Variants in PXDN observed in about 807,000 individuals in gnomAD.
The protein encoded by PXDN is peroxidasin homolog.
A neutral mutation model predicts 140.3 loss-of-function variants in PXDN; 77 were observed. The ratio of observed to expected loss-of-function variants is 0.55; its 90% CI spans 0.46 to 0.66. The LOEUF is 0.66. Among genes scored for constraint, PXDN ranks in the 30% least tolerant of loss-of-function variants. The pLI is 0.00. For synonymous variants in PXDN, 911 were observed against 857.4 expected (o/e 1.06, Z -1.09); for missense variants, 1,838 against 2,039.5 (o/e 0.90, Z 1.90).
chr2:1,678,739 A>AT (rs1295401574), intron 7 of PXDN, among the ~76,000 whole-genome samples: 1 of 152,162 alleles, frequency 6.6e-6, no homozygotes, highest in African/African-American at 2.4e-5. Flanking sequence ...CCCTTCAGGG[A>AT]CGCAGGTGGG....
At chr2:1,658,029 T>TCG (rs1683192961) in intron 14 of PXDN, among the ~76,000 whole-genome samples, 2 of 1,130 alleles carry the variant, frequency 1.8e-3, no homozygotes, top group Non-Finnish European at 5.2e-3. Context: ...AGCTGTGGGC[T>TCG]CTCTCTCTCT....
intron 1 of PXDN, among the ~76,000 whole-genome samples, chr2:1,708,849 G>A (rs1028687779): frequency 6.6e-6 from 1 of 152,100 alleles, no homozygotes; most frequent in Non-Finnish European, 1.5e-5. Flanking sequence ...TGCCCGGCTG[G>A]GTTTGTTAAG....
intron 17 of PXDN, 34 bp from the exon 18 acceptor site, chr2:1,644,786 A>G: frequency 7.0e-7 from 1 of 1,420,844 alleles, no homozygotes; most frequent in Non-Finnish European, 9.3e-7. Flanking sequence ...AATCTACCTA[A>G]CAAAGCTGCA....
chr2:1,664,016 C>G, intron 11 of PXDN: 1 of 475,942 alleles, frequency 2.1e-6, no homozygotes, highest in Non-Finnish European at 3.8e-6. Flanking sequence ...ACACAGGGGG[C>G]CAGGAGGACA....
chr2:1,728,984 G>A (rs1211766527), intron 1 of PXDN, among the ~76,000 whole-genome samples: 10 of 152,114 alleles, frequency 6.6e-5, no homozygotes, highest in Non-Finnish European at 1.3e-4. Flanking sequence ...CCGGGGAACA[G>A]CAGGCAGGGC....
intron 9 of PXDN, among the ~76,000 whole-genome samples, chr2:1,670,215 T>C (rs1683541290): frequency 6.6e-6 from 1 of 152,184 alleles, no homozygotes; most frequent in Non-Finnish European, 1.5e-5. Flanking sequence ...GCTAAAGATT[T>C]GGAAAAAAAT....
intron 14 of PXDN, among the ~76,000 whole-genome samples, chr2:1,655,019 C>A (rs1482662924): frequency 2.6e-5 from 4 of 152,002 alleles, no homozygotes; most frequent in African/African-American, 4.8e-5. Context: ...AAACTCCCTC[C>A]TCACACACAC....
At position 1,649,561 on chromosome 2, in the gene PXDN, T is replaced by C. The variant is rs200291049; in HGVS notation, c.2219A>G (p.Lys740Arg). The stretch of plus-strand genomic sequence containing the variant: ...ACAGGTGCCGTCGTGCGTCCGGTAC[T>C]TCTGGTGGAAGCACATGTCCGAGCA... Reference protein sequence around the residue: ...NNCSDMCFHQKYRTHDGTCNN... With the variant: ...NNCSDMCFHQRYRTHDGTCNN... Residue 740 changes from lysine (K) to arginine (R), a missense_variant, in exon 17 of 23, where the codon AAG becomes AGG. By Grantham distance (26) the Lys-to-Arg change is conservative. Transcript: ENST00000252804. This position sits in a 1 kb window ranked among gnomAD's most constrained non-coding sequence, Gnocchi z 7.1. 5.8e-5 allele frequency: 94 copies of C among 1,614,038 alleles called. No homozygotes were observed. In the African/African-American group the frequency reaches 1.1e-3, roughly 19 times the overall value.
chr2:1,691,856 G>T, intron 3 of PXDN, 72 bp downstream of exon 3: 1 of 985,168 alleles, frequency 1.0e-6, no homozygotes, highest in Non-Finnish European at 1.5e-6. Flanking sequence ...TAAGCAGCAC[G>T]AAATTTAGCT....
Position 1,683,636 on chromosome 2 carries a change from A to G in PXDN, c.560+20T>C. ...AAGAAGGCTTTGCAGCAAAGAAAAC[A>G]CAAAAGGTTTTATACTCACAATCTC... On this transcript the variant is annotated intron_variant, in intron 6 of 22. Coordinates refer to ENST00000252804, the MANE Select transcript of PXDN (RefSeq NM_012293.3). 6.8e-7 allele frequency: 1 copy of G among 1,465,464 alleles called. No individual in the cohort carries two copies. The highest frequency in any genetic ancestry group is 9.1e-7 in the Non-Finnish European group (1 of 1,093,750). The allele number at this position is 1,465,464 out of a possible 1,614,324, so 90.8% of individuals were successfully genotyped here.
In PXDN at chr2:1,744,357, G is replaced by C; in HGVS notation, c.99C>G (p.Gly33=). 1 of 1,527,166 alleles carries C rather than the reference G, an allele frequency of 6.5e-7. No individual in the cohort carries two copies. The highest frequency in any genetic ancestry group is 8.7e-7 in the Non-Finnish European group (1 of 1,143,550). 94.6% of individuals were successfully genotyped at this position (1,527,166 alleles called of 1,614,324 possible). ...GTLAVVAQKP[G]AGCPSRCLCF... ...ACAGGCAGCGGCTCGGACACCCTGC[G>C]CCCGGCTTCTGGGCCACCACGGCCA... The change falls in exon 1 of 23, where the codon GGC becomes GGG. Residue 33 remains glycine (G), a synonymous_variant. Coordinates refer to ENST00000252804, the MANE Select transcript of PXDN (RefSeq NM_012293.3).
intron 14 of PXDN, among the ~76,000 whole-genome samples, chr2:1,655,972 C>T (rs921319236): frequency 7.9e-5 from 12 of 151,766 alleles, no homozygotes; most frequent in South Asian, 2.1e-4. Context: ...ATAAATAACA[C>T]GCACATAGCC....
At chr2:1,737,394 T>A (rs971586881) in intron 1 of PXDN, among the ~76,000 whole-genome samples, 1 of 152,162 alleles carries the variant, frequency 6.6e-6, no homozygotes, top group African/African-American at 2.4e-5. Context: ...CAGCGGACAG[T>A]CTACTCATGG....
intron 9 of PXDN, among the ~76,000 whole-genome samples, chr2:1,671,467 T>A (rs1683574656): frequency 6.6e-6 from 1 of 151,960 alleles, no homozygotes; most frequent in Non-Finnish European, 1.5e-5. Context: ...TATATGCACA[T>A]GGAAAGGCTC....
intron 2 of PXDN, among the ~76,000 whole-genome samples, chr2:1,692,761 C>A (rs1684213056): frequency 6.6e-6 from 1 of 152,186 alleles, no homozygotes; most frequent in South Asian, 2.1e-4. Context: ...CAGCCTGACC[C>A]AGCAAGGACT....
At chr2:1,669,217 G>A (rs891710918) in intron 9 of PXDN, among the ~76,000 whole-genome samples, 5 of 152,180 alleles carry the variant, frequency 3.3e-5, no homozygotes, top group South Asian at 2.1e-4. Flanking sequence ...ACCAAACACC[G>A]CATGTTCTCA....
intron 19 of PXDN, among the ~76,000 whole-genome samples, chr2:1,642,726 A>T (rs929318075): frequency 6.6e-6 from 1 of 152,238 alleles, no homozygotes; most frequent in African/African-American, 2.4e-5. Flanking sequence ...GCGAAGCAGG[A>T]ACTCAGCCAG....
chr2:1,709,269 C>T (rs1353365974), intron 1 of PXDN, among the ~76,000 whole-genome samples: 1 of 152,184 alleles, frequency 6.6e-6, no homozygotes, highest in Non-Finnish European at 1.5e-5. Flanking sequence ...GACCACGGCG[C>T]TCGCTGCAGT....
Position 1,649,962 on chromosome 2 carries a change from G to A in PXDN, c.2105-287C>T, listed in dbSNP as rs1250914626. Among the ~76,000 whole-genome samples, 1 of 152,004 alleles carries A rather than the reference G, an allele frequency of 6.6e-6. No individual in the cohort carries two copies. Among genetic ancestry groups the A allele is most frequent in the Non-Finnish European group, 1.5e-5 (1 of 68,008 alleles). On this transcript the variant is annotated intron_variant, in intron 16 of 22. Transcript: ENST00000252804. This position sits in a 1 kb window ranked among gnomAD's most constrained non-coding sequence, Gnocchi z 7.1. ...AGCAGTCTCATGGTTTCAACCAGCA[G>A]CTCTCCTCTGGGAGACCCCTAACCG... is the stretch of plus-strand genomic sequence containing the variant.
Sources: gnomAD v4.1 joint callset for allele counts (sites outside exome capture counted in the v4.1 genomes callset) on GRCh38, gnomAD v4.1.1 for gene constraint, Gnocchi (gnomAD v3.1) non-coding constraint, MANE v1.5 for transcripts, NCBI Gene and HGNC (gene_info 2026-07-23, HGNC 2026-07-21) for gene names.